Variants in CAST observed in about 807,000 individuals in gnomAD.
CAST encodes the protein calpastatin.
A neutral mutation model predicts 119.6 loss-of-function variants in CAST; 76 were observed. The ratio of observed to expected loss-of-function variants is 0.64; its 90% CI spans 0.53 to 0.77. CAST has a LOEUF of 0.77. Among genes scored for constraint, CAST ranks in the 30% least tolerant of loss-of-function variants. The pLI, the probability that CAST is intolerant of heterozygous loss-of-function variation, is 0.00. For missense variants in CAST, 953 were observed against 946.5 expected (o/e 1.01, Z -0.09); for synonymous variants, 319 against 331.6 (o/e 0.96, Z 0.41).
chr5:96,332,085 T>TC, the CAST span, among the ~76,000 whole-genome samples: 1 of 151,878 alleles, frequency 6.6e-6, no homozygotes, highest in Non-Finnish European at 1.5e-5. Context: ...GGCCTCAGAG[T>TC]CCCCCAGTTG....
At chr5:96,429,169 G>T in the CAST span, 1 of 982,292 alleles carries the variant, frequency 1.0e-6, no homozygotes, top group South Asian at 1.4e-5. Context: ...AAAGAAAGCA[G>T]ATAAGCTAGA....
intron 1 of CAST, among the ~76,000 whole-genome samples, chr5:96,558,561 CAGAGA>C (rs1186957710): frequency 6.6e-6 from 1 of 152,174 alleles, no homozygotes; most frequent in African/African-American, 2.4e-5. Context: ...AAACTACCAT[CAGAGA>C]ATACTATAAA....
At chr5:96,223,034 A>G in the CAST span, among the ~76,000 whole-genome samples, 1 of 152,028 alleles carries the variant, frequency 6.6e-6, no homozygotes, top group African/African-American at 2.4e-5. Context: ...GCTTGTTCTC[A>G]CTCATATCAC....
chr5:96,466,246 C>T, the CAST span, among the ~76,000 whole-genome samples: 930 of 152,224 alleles, frequency 6.1e-3, 1 homozygote, highest in Middle Eastern at 0.01. Flanking sequence ...CCCCTCCCAC[C>T]TCCTTGACTG....
At chr5:96,373,950 T>C in the CAST span, among the ~76,000 whole-genome samples, 1 of 152,214 alleles carries the variant, frequency 6.6e-6, no homozygotes, top group South Asian at 2.1e-4. Context: ...ATCTCACTTA[T>C]CTACTTGAAT....
the CAST span, among the ~76,000 whole-genome samples, chr5:96,307,071 T>C: frequency 3.3e-5 from 5 of 152,290 alleles, no homozygotes; most frequent in South Asian, 6.2e-4. Context: ...CCCACTATTA[T>C]TGTGTGGGAG....
chr5:96,114,286 G>A, the CAST span, among the ~76,000 whole-genome samples: 19 of 152,250 alleles, frequency 1.2e-4, no homozygotes, highest in Middle Eastern at 3.4e-3. Context: ...GACCAGCAAT[G>A]TCTACAACAC....
the CAST span, among the ~76,000 whole-genome samples, chr5:96,238,954 C>G: frequency 6.6e-6 from 1 of 152,058 alleles, no homozygotes; most frequent in Admixed American, 6.6e-5. Flanking sequence ...GTTTGGGAGT[C>G]ATTGGGTATA....
the CAST span, among the ~76,000 whole-genome samples, chr5:96,200,300 T>A: frequency 6.6e-6 from 1 of 152,158 alleles, no homozygotes; most frequent in Non-Finnish European, 1.5e-5. Flanking sequence ...AAGCAGTAGA[T>A]GTCCTCCTCT....
chr5:96,425,983 T>C, the CAST span: 2 of 983,444 alleles, frequency 2.0e-6, no homozygotes, highest in South Asian at 2.6e-5. Context: ...TACCTCTGTA[T>C]ACTTCCTCTA....
intron 1 of CAST, among the ~76,000 whole-genome samples, chr5:96,544,845 C>T (rs1745978052): frequency 6.8e-6 from 1 of 147,774 alleles, no homozygotes; most frequent in Non-Finnish European, 1.5e-5. Context: ...AAAAACACAA[C>T]TATATTTCCC....
At chr5:96,709,556 A>G (rs1220136284) in intron 3 of CAST, among the ~76,000 whole-genome samples, 5 of 152,200 alleles carry the variant, frequency 3.3e-5, no homozygotes, top group African/African-American at 1.2e-4. Flanking sequence ...AACACAGACT[A>G]ATTTTGTTAG....
At chr5:96,578,976 G>A (rs563731412) in intron 1 of CAST, among the ~76,000 whole-genome samples, 56 of 152,310 alleles carry the variant, frequency 3.7e-4, no homozygotes, top group South Asian at 2.3e-3. Flanking sequence ...CTACTGGAGC[G>A]TCCACTGGTT....
the CAST span, among the ~76,000 whole-genome samples, chr5:96,242,069 T>C: frequency 6.8e-6 from 1 of 147,594 alleles, no homozygotes. Context: ...TTTAGTTTAA[T>C]TAGATCCCAT....
the CAST span, among the ~76,000 whole-genome samples, chr5:96,497,699 G>T: frequency 6.6e-6 from 1 of 152,096 alleles, no homozygotes; most frequent in African/African-American, 2.4e-5. Flanking sequence ...CCCACTTTTT[G>T]ATGGGGCTGT....
At chr5:96,370,948 C>A in the CAST span, among the ~76,000 whole-genome samples, 1 of 152,050 alleles carries the variant, frequency 6.6e-6, no homozygotes, top group East Asian at 1.9e-4. Context: ...AGTTAATGTC[C>A]ACAATACACT....
At chr5:96,265,672 ACC>A in the CAST span, among the ~76,000 whole-genome samples, 1 of 152,218 alleles carries the variant, frequency 6.6e-6, no homozygotes, top group East Asian at 1.9e-4. Flanking sequence ...TCACAGACAC[ACC>A]CAGAAGTAAT....
At chr5:96,554,735 G>A (rs747935999) in intron 1 of CAST, among the ~76,000 whole-genome samples, 1 of 152,058 alleles carries the variant, frequency 6.6e-6, no homozygotes, top group Non-Finnish European at 1.5e-5. Context: ...AACAAAAAAC[G>A]GGCAAAGGAT....
At chr5:96,241,482 G>T in the CAST span, among the ~76,000 whole-genome samples, 30 of 150,472 alleles carry the variant, frequency 2.0e-4, no homozygotes, top group Admixed American at 1.5e-3. Flanking sequence ...ATTTGGGTTG[G>T]TTCCAAGTCT....
Sources: allele counts gnomAD v4.1 joint callset (sites outside exome capture counted in the v4.1 genomes callset), GRCh38; gene constraint gnomAD v4.1.1; transcripts MANE v1.5; gene names NCBI Gene and HGNC (gene_info 2026-07-23, HGNC 2026-07-21).